The following KANK1 variants were observed in gnomAD, a reference collection of about 807,000 sequenced individuals.
KANK1 encodes the protein KN motif and ankyrin repeat domains 1, also known as KN motif and ankyrin repeat domain-containing protein 1.
A neutral mutation model predicts 106.2 loss-of-function variants in KANK1; 109 were observed. That is an observed-to-expected ratio of 1.03 (90% confidence interval 0.88 to 1.20). The LOEUF (loss-of-function observed/expected upper bound fraction) is 1.20. Among genes scored for constraint, KANK1 ranks in the 50% most tolerant of loss-of-function variants. KANK1 has a pLI of 0.00. For missense variants in KANK1, 2,399 were observed against 1,710.7 expected, an observed-to-expected ratio of 1.40 and a Z score of -7.10; for synonymous variants, 873 against 652.2, an observed-to-expected ratio of 1.34 and a Z score of -5.16.
Position 667,258 on chromosome 9 carries a change from TG to T in KANK1, c.-83-9630del, listed in dbSNP as rs200554445. Among the ~76,000 whole-genome samples, 54 of 152,232 alleles carry T rather than the reference TG, an allele frequency of 3.5e-4. No individual in the cohort carries two copies. In the East Asian group the frequency reaches 7.1e-3, roughly 20 times the overall value. On this transcript the variant is annotated intron_variant, in intron 1 of 11. Transcript: ENST00000382297. ...TCTCTAATGATTCTTTGTACTCCTATGGTCTCTGTTGTTTTGTATCTTTTTT... is the reference window on the plus strand; with the variant it reads ...TCTCTAATGATTCTTTGTACTCCTATGTCTCTGTTGTTTTGTATCTTTTTT...
chr9:611,922 G>A (rs867492363), intron 1 of KANK1, among the ~76,000 whole-genome samples: 1 of 152,104 alleles, frequency 6.6e-6, no homozygotes, highest in African/African-American at 2.4e-5. Flanking sequence ...GTTTCACCGT[G>A]TTAGCCAGGA....
intron 3 of KANK1, among the ~76,000 whole-genome samples, chr9:723,135 C>T (rs1291871747): frequency 6.6e-6 from 1 of 152,074 alleles, no homozygotes; most frequent in Non-Finnish European, 1.5e-5. Context: ...GTAATTAAGT[C>T]ACAGGACCAC....
At chr9:497,038 G>A (rs968000224) in intron 3 of KANK1, among the ~76,000 whole-genome samples, 5 of 152,024 alleles carry the variant, frequency 3.3e-5, no homozygotes, top group African/African-American at 1.2e-4. Context: ...ATTCATACAG[G>A]GTTCCAGCTT....
chr9:679,947 C>T (rs1186724545), intron 2 of KANK1, among the ~76,000 whole-genome samples: 2 of 151,996 alleles, frequency 1.3e-5, no homozygotes, highest in Admixed American at 1.3e-4. Context: ...GTAAGAGATG[C>T]GGGTTATAAA....
chr9:564,872 C>G (rs1022005634), intron 1 of KANK1, among the ~76,000 whole-genome samples: 5 of 152,232 alleles, frequency 3.3e-5, no homozygotes, highest in Non-Finnish European at 2.9e-5. Context: ...TTTTTGGCTT[C>G]TCTTGGGAAG....
intron 1 of KANK1, among the ~76,000 whole-genome samples, chr9:651,473 C>G (rs572419131): frequency 2.0e-4 from 31 of 152,286 alleles, no homozygotes; most frequent in African/African-American, 6.7e-4. Context: ...GGCATTTTCC[C>G]TAAGCATCTG....
At chr9:631,943 T>C (rs1478454984) in intron 1 of KANK1, among the ~76,000 whole-genome samples, 1 of 152,200 alleles carries the variant, frequency 6.6e-6, no homozygotes, top group Non-Finnish European at 1.5e-5. Flanking sequence ...CTCACACCAA[T>C]AGGATAAGTA....
intron 1 of KANK1, among the ~76,000 whole-genome samples, chr9:596,489 A>C (rs760822015): frequency 6.6e-6 from 1 of 151,680 alleles, no homozygotes; most frequent in Non-Finnish European, 1.5e-5. Context: ...GCAATGGATC[A>C]TTTTGCTGTC....
chr9:625,319 T>A (rs1366084014), intron 1 of KANK1, among the ~76,000 whole-genome samples: 3 of 152,118 alleles, frequency 2.0e-5, no homozygotes, highest in African/African-American at 7.2e-5. Flanking sequence ...AAGCCAGAGG[T>A]TGAGAATAGG....
chr9:656,759 T>G (rs1166040721), intron 1 of KANK1, among the ~76,000 whole-genome samples: 1 of 152,046 alleles, frequency 6.6e-6, no homozygotes, highest in Non-Finnish European at 1.5e-5. Flanking sequence ...ATGTTCTGAG[T>G]CTCCTGTATT....
rs118176321 is a variant in KANK1, at chr9:480,223, A to G, written c.-362+6950A>G. 5.0e-3 allele frequency among the ~76,000 whole-genome samples: 764 copies of G among 152,356 alleles called. 12 individuals are homozygous for G. Among genetic ancestry groups the G allele is most frequent in the East Asian group, 0.041 (215 of 5,182 alleles). On this transcript the variant is annotated intron_variant, in intron 3 of 15. Coordinates refer to the KANK1 transcript ENST00000382303. ...GATAAGATCTACTTAGGTCTATCATATACTCAAATTGCAACCTTCTGGGAT... is the reference window on the plus strand; with the variant it reads ...GATAAGATCTACTTAGGTCTATCATGTACTCAAATTGCAACCTTCTGGGAT...
chr9:503,458 A>G (rs79093999), upstream of KANK1, among the ~76,000 whole-genome samples: 3,958 of 152,250 alleles, frequency 0.026, 179 homozygotes, highest in South Asian at 0.13. Flanking sequence ...CATCAAGTTC[A>G]GGAATTTGCA....
intron 1 of KANK1, among the ~76,000 whole-genome samples, chr9:535,131 A>C (rs1276156743): frequency 6.6e-6 from 1 of 152,168 alleles, no homozygotes; most frequent in African/African-American, 2.4e-5. Flanking sequence ...AGTTTCCAGC[A>C]ATAGAGTCAC....
At chr9:728,305 C>T (rs1831288101) in intron 3 of KANK1, among the ~76,000 whole-genome samples, 2 of 152,160 alleles carry the variant, frequency 1.3e-5, no homozygotes, top group Admixed American at 1.3e-4. Context: ...TCGAGCCATT[C>T]TCCTGCCTCA....
chr9:475,570 G>A (rs1370041757), intron 3 of KANK1, among the ~76,000 whole-genome samples: 3 of 152,112 alleles, frequency 2.0e-5, no homozygotes, highest in Non-Finnish European at 2.9e-5. Flanking sequence ...GGGGTCTGGG[G>A]AGTTATGCCC....
chr9:598,016 G>C lies in KANK1; in HGVS notation c.-83-78874G>C, dbSNP rs2641994. ...TGCTTTTATTTTTTATACTTAGGTTGTTAATTCATTTTGAGTTAATTTTTC... is the reference window on the plus strand; with the variant it reads ...TGCTTTTATTTTTTATACTTAGGTTCTTAATTCATTTTGAGTTAATTTTTC... On this transcript the variant is annotated intron_variant, in intron 1 of 11. Coordinates refer to ENST00000382297, the MANE Select transcript of KANK1 (RefSeq NM_015158.5). Among the ~76,000 whole-genome samples, 422 of 151,792 alleles carry C rather than the reference G, an allele frequency of 2.8e-3. 4 individuals carry two copies. Among genetic ancestry groups the C allele is most frequent in the Non-Finnish European group, 4.1e-3 (280 of 68,004 alleles).
At chr9:558,422 T>A (rs555183318) in intron 1 of KANK1, among the ~76,000 whole-genome samples, 46 of 152,354 alleles carry the variant, frequency 3.0e-4, no homozygotes, top group African/African-American at 1.1e-3. Context: ...TTATAACGAT[T>A]TTGTCAGCTG....
chr9:620,122 A>G (rs532509044), intron 1 of KANK1, among the ~76,000 whole-genome samples: 1 of 125,808 alleles, frequency 7.9e-6, no homozygotes, highest in Non-Finnish European at 1.7e-5. Context: ...ACAGAGCAAG[A>G]CTCCCATCTA....
intron 3 of KANK1, chr9:495,223 C>T (rs2058438832): frequency 6.6e-6 from 1 of 152,216 alleles, no homozygotes; most frequent in African/African-American, 2.4e-5. Context: ...GAGTTTCTGC[C>T]TCCTTCTCTT....
Sources: gnomAD v4.1 joint callset for allele counts (sites outside exome capture counted in the v4.1 genomes callset) on GRCh38, gnomAD v4.1.1 for gene constraint, MANE v1.5 for transcripts, NCBI Gene and HGNC (gene_info 2026-07-23, HGNC 2026-07-21) for gene names.